Variants in NCKAP5 observed in about 807,000 individuals in gnomAD.
The protein encoded by NCKAP5 is NCK associated protein 5, also known as nck-associated protein 5.
Under a neutral mutation model 167.0 loss-of-function variants are expected in NCKAP5, and 92 were observed. The observed-to-expected ratio is 0.55, with a 90% CI of 0.47 to 0.66. The LOEUF (loss-of-function observed/expected upper bound fraction) is 0.66, where lower values mean the gene tolerates loss of function less well. Ranked by LOEUF, NCKAP5 falls within the 30% of genes least tolerant of loss-of-function variation. The probability of loss-of-function intolerance (pLI) is 0.00; values close to 1 mark genes in which losing one functional copy is unlikely to be tolerated. For missense variants in NCKAP5, 2,378 were observed against 2,315.0 expected (o/e 1.03, Z -0.56); for synonymous variants, 891 against 877.4 (o/e 1.02, Z -0.27).
At position 133,153,897 on chromosome 2, in the gene NCKAP5, G is replaced by A. The variant is rs557509052; in HGVS notation, c.208-23786C>T. On this transcript the variant is annotated intron_variant, in intron 5 of 19. Transcript: ENST00000409261. ...TTGGTCCAGGCTGGAGCGTAACGGCGCAATCTCAGCTCACTGCAACCTCCT... is the reference window on the plus strand; with the variant it reads ...TTGGTCCAGGCTGGAGCGTAACGGCACAATCTCAGCTCACTGCAACCTCCT... 2.7e-4 allele frequency among the ~76,000 whole-genome samples: 38 copies of A among 143,340 alleles called. 1 individual carries two copies. The East Asian group carries it at 2.9e-3, about 11-fold the overall frequency. The allele number at this position is 143,340 out of a possible 152,430, so 94.0% of individuals were successfully genotyped here.
chr2:132,731,711 T>C (rs774860542), intron 17 of NCKAP5, 26 bp downstream of exon 17: 33 of 1,549,952 alleles, frequency 2.1e-5, no homozygotes, highest in African/African-American at 1.6e-4. Flanking sequence ...AAATGTCTTA[T>C]TAAGGGTGGG....
chr2:132,828,800 T>C (rs1687313717), intron 11 of NCKAP5, among the ~76,000 whole-genome samples: 1 of 152,166 alleles, frequency 6.6e-6, no homozygotes, highest in African/African-American at 2.4e-5. Flanking sequence ...CACACAACAC[T>C]GAGAAGCAGG....
chr2:133,378,352 C>T (rs1204971631), intron 3 of NCKAP5, among the ~76,000 whole-genome samples: 6 of 152,104 alleles, frequency 3.9e-5, no homozygotes, highest in South Asian at 2.1e-4. Context: ...ATATATGATA[C>T]TCTCACAAAT....
chr2:133,650,495 T>C, the NCKAP5 span, among the ~76,000 whole-genome samples: 63 of 152,300 alleles, frequency 4.1e-4, no homozygotes, highest in African/African-American at 1.5e-3. Flanking sequence ...AACAACATGA[T>C]GCTGACATAA....
At chr2:133,143,336 G>A (rs2083069764) in intron 5 of NCKAP5, among the ~76,000 whole-genome samples, 1 of 152,076 alleles carries the variant, frequency 6.6e-6, no homozygotes, top group South Asian at 2.1e-4. Flanking sequence ...TACAACAGAG[G>A]CTCTCCACCT....
the NCKAP5 span, among the ~76,000 whole-genome samples, chr2:133,634,871 TTTC>T: frequency 9.4e-4 from 141 of 149,472 alleles, 1 homozygote; most frequent in African/African-American, 3.4e-3. Context: ...CTTTCTTTTC[TTTC>T]TTTTTTTTTT....
intron 3 of NCKAP5, 107 bp from the exon 4 acceptor site, chr2:133,303,217 C>T: frequency 4.2e-6 from 3 of 716,698 alleles, no homozygotes; most frequent in East Asian, 2.7e-5. Context: ...ATTATCCCTA[C>T]TTCCCTTCCG....
At chr2:133,246,901 C>T (rs771086688) in intron 4 of NCKAP5, among the ~76,000 whole-genome samples, 1 of 152,136 alleles carries the variant, frequency 6.6e-6, no homozygotes, top group Non-Finnish European at 1.5e-5. Flanking sequence ...GTGCTTCAGC[C>T]TTAGGATTAT....
intron 4 of NCKAP5, among the ~76,000 whole-genome samples, chr2:133,231,635 A>G (rs2087152700): frequency 6.6e-6 from 1 of 152,172 alleles, no homozygotes; most frequent in South Asian, 2.1e-4. Context: ...AATGATTAGA[A>G]TGGCTCTCAT....
intron 4 of NCKAP5, among the ~76,000 whole-genome samples, chr2:133,283,058 A>G (rs1280873674): frequency 6.6e-6 from 1 of 152,220 alleles, no homozygotes; most frequent in African/African-American, 2.4e-5. Context: ...ATCAGAATGA[A>G]GTAAGTTTTA....
chr2:133,351,386 T>C (rs571143277), intron 3 of NCKAP5, among the ~76,000 whole-genome samples: 2 of 152,264 alleles, frequency 1.3e-5, no homozygotes, highest in Admixed American at 1.3e-4. Context: ...TATAACTTCT[T>C]TGAGCCTTAA....
chr2:132,813,020 T>C (rs894329304), intron 11 of NCKAP5, among the ~76,000 whole-genome samples: 1 of 152,154 alleles, frequency 6.6e-6, no homozygotes, highest in African/African-American at 2.4e-5. Flanking sequence ...GGGTTAAGAC[T>C]TCAACATATG....
intron 7 of NCKAP5, among the ~76,000 whole-genome samples, chr2:132,975,651 T>C (rs2076957513): frequency 6.6e-6 from 1 of 152,110 alleles, no homozygotes; most frequent in South Asian, 2.1e-4. Flanking sequence ...TAACAGAAAT[T>C]ATGTCCTTGT....
chr2:133,095,923 C>T, intron 6 of NCKAP5, among the ~76,000 whole-genome samples: 1 of 152,046 alleles, frequency 6.6e-6, no homozygotes, highest in East Asian at 1.9e-4. Context: ...CTCCCCATGC[C>T]TCTTTGTACA....
At chr2:133,410,475 G>A (rs549905852) in intron 3 of NCKAP5, among the ~76,000 whole-genome samples, 1 of 152,118 alleles carries the variant, frequency 6.6e-6, no homozygotes, top group Non-Finnish European at 1.5e-5. Flanking sequence ...TACATCAAAG[G>A]GTTCTTAGGA....
intron 6 of NCKAP5, chr2:133,117,847 C>T (rs1304510916): frequency 6.6e-6 from 1 of 152,178 alleles, no homozygotes; most frequent in Middle Eastern, 3.2e-3. Flanking sequence ...AAGACTCACA[C>T]TGCAAAGGTA....
At chr2:133,449,843 A>G (rs1273485693) in intron 3 of NCKAP5, among the ~76,000 whole-genome samples, 4 of 151,694 alleles carry the variant, frequency 2.6e-5, no homozygotes, top group African/African-American at 7.3e-5. Flanking sequence ...TTTTTTTTCA[A>G]CAGAGATTTT....
chr2:132,676,928 A>G (rs1207037192), intron 19 of NCKAP5, among the ~76,000 whole-genome samples: 1 of 152,224 alleles, frequency 6.6e-6, no homozygotes. Context: ...ATTTAGAGCT[A>G]GGCAGTGTGC....
intron 5 of NCKAP5, among the ~76,000 whole-genome samples, chr2:133,175,602 T>A (rs1460206888): frequency 6.6e-6 from 1 of 152,226 alleles, no homozygotes; most frequent in Non-Finnish European, 1.5e-5. Flanking sequence ...TTAATATCTG[T>A]ACTCCTACTT....
Sources: allele counts gnomAD v4.1 joint callset (sites outside exome capture counted in the v4.1 genomes callset), GRCh38; gene constraint gnomAD v4.1.1; transcripts MANE v1.5; gene names NCBI Gene and HGNC (gene_info 2026-07-23, HGNC 2026-07-21).